NGEF: variants seen among roughly 807,000 people sequenced by gnomAD.
NGEF encodes the protein neuronal guanine nucleotide exchange factor.
In NGEF, 31 loss-of-function variants were observed where a neutral mutation model predicts 80.9. That is an observed-to-expected ratio of 0.38 (90% CI 0.29 to 0.52). The LOEUF (loss-of-function observed/expected upper bound fraction) is 0.52, where lower values mean the gene tolerates loss of function less well. NGEF is among the 20% of genes least tolerant of loss of function. NGEF has a pLI of 0.84. For synonymous variants in NGEF, 371 were observed against 370.2 expected, an observed-to-expected ratio of 1.00 and a Z score of -0.03; for missense variants, 709 against 926.2, an observed-to-expected ratio of 0.77 and a Z score of 3.04.
At chr2:232,910,716 A>G (rs751582038) in intron 5 of NGEF, among the ~76,000 whole-genome samples, 10 of 152,228 alleles carry the variant, frequency 6.6e-5, no homozygotes, top group Non-Finnish European at 1.0e-4. Context: ...CTGTGTGTGC[A>G]CACCAGCACT....
intron 5 of NGEF, among the ~76,000 whole-genome samples, chr2:232,905,489 A>G (rs951384611): frequency 6.6e-6 from 1 of 152,122 alleles, no homozygotes; most frequent in African/African-American, 2.4e-5. Context: ...TGGCCCCCCA[A>G]AGTGCGGAGA....
chr2:232,989,605 G>A (rs1182000536), intron 1 of NGEF, among the ~76,000 whole-genome samples: 4 of 152,142 alleles, frequency 2.6e-5, no homozygotes, highest in African/African-American at 9.7e-5. Flanking sequence ...ATGGGATCTG[G>A]ACAACAAACC....
intron 8 of NGEF, among the ~76,000 whole-genome samples, chr2:232,890,041 CTG>C (rs1691825545): frequency 6.6e-6 from 1 of 151,588 alleles, no homozygotes; most frequent in Admixed American, 6.6e-5. Context: ...GAGGGGGTCT[CTG>C]TCCTGCCTCA....
intron 12 of NGEF, 126 bp downstream of exon 12, chr2:232,883,185 G>A: frequency 8.5e-7 from 1 of 1,179,778 alleles, no homozygotes; most frequent in Admixed American, 2.5e-5. Flanking sequence ...CGGGAAGGAT[G>A]GGCAGGTCGG....
chr2:232,929,251 T>C (rs933558224), intron 3 of NGEF, among the ~76,000 whole-genome samples: 1 of 152,070 alleles, frequency 6.6e-6, no homozygotes, highest in Non-Finnish European at 1.5e-5. Flanking sequence ...TTGGGGGGGA[T>C]GCAAACATTC....
intron 3 of NGEF, among the ~76,000 whole-genome samples, chr2:232,949,477 T>G (rs1387353774): frequency 2.2e-5 from 3 of 134,700 alleles, no homozygotes; most frequent in Non-Finnish European, 5.2e-5. Context: ...TTCTCTGCAC[T>G]CTTTCTTTTT....
At chr2:232,955,513 T>C (rs764124683) in intron 3 of NGEF, among the ~76,000 whole-genome samples, 3 of 152,176 alleles carry the variant, frequency 2.0e-5, no homozygotes, top group African/African-American at 2.4e-5. Flanking sequence ...TTTGCTTGTT[T>C]TTGTTTGTTG....
chr2:232,993,154 A>AAT (rs199973619), intron 1 of NGEF, among the ~76,000 whole-genome samples: 18,439 of 56,552 alleles, frequency 0.33, 4,303 homozygotes, highest in East Asian at 0.76. Flanking sequence ...TATATGGGCA[A>AAT]ATATATATAT....
At chr2:232,890,024 T>A (rs1476679305) in intron 8 of NGEF, among the ~76,000 whole-genome samples, 2 of 152,208 alleles carry the variant, frequency 1.3e-5, no homozygotes, top group African/African-American at 2.4e-5. Flanking sequence ...CCAGCATCTG[T>A]CAGGCAGAGG....
At chr2:232,968,527 T>C (rs1317834630) in intron 3 of NGEF, among the ~76,000 whole-genome samples, 1 of 152,034 alleles carries the variant, frequency 6.6e-6, no homozygotes, top group African/African-American at 2.4e-5. Flanking sequence ...TGCCTCAGCC[T>C]CCCAAGTCAC....
At chr2:232,884,249 C>A in intron 10 of NGEF, 105 bp from the exon 11 acceptor site, 1 of 1,295,820 alleles carries the variant, frequency 7.7e-7, no homozygotes, top group East Asian at 2.6e-5. Context: ...TGCCCAGGGC[C>A]CCGACACATG....
Position 232,911,446 on chromosome 2 carries a change from T to C in NGEF, c.828+8838A>G, listed in dbSNP as rs139288485. On this transcript the variant is annotated intron_variant, in intron 5 of 14. Coordinates refer to ENST00000264051, the MANE Select transcript of NGEF (RefSeq NM_019850.3). ...TTGTCTTAAAATCAGATAGTATGAC[T>C]CCTCCAGCTTTATTATTTTTGAAAA... 3.7e-3 allele frequency among the ~76,000 whole-genome samples: 557 copies of C among 152,300 alleles called. 3 individuals are homozygous for C. Among genetic ancestry groups the C allele is most frequent in the African/African-American group, 0.013 (538 of 41,560 alleles).
At chr2:232,883,487 C>T (rs1389942380) in intron 11 of NGEF, 21 bp from the exon 12 acceptor site, 6 of 1,560,120 alleles carry the variant, frequency 3.8e-6, no homozygotes, top group Non-Finnish European at 5.2e-6. Context: ...GGGAGAAGGG[C>T]AGGCGTGTCA....
intron 3 of NGEF, among the ~76,000 whole-genome samples, chr2:232,953,117 G>C (rs544558024): frequency 5.3e-5 from 8 of 150,866 alleles, no homozygotes; most frequent in Admixed American, 1.3e-4. Context: ...GCCTGACCAA[G>C]ATGGTGAAAC....
At position 233,013,089 on chromosome 2, in the gene NGEF, G is replaced by T; in HGVS notation, c.-96C>A. ...TCACCTGCCAGAGAGGAGCTCATAGGAGTTGGGCTTCCTCAGAGAGTGTTC... is the reference window on the plus strand; with the variant it reads ...TCACCTGCCAGAGAGGAGCTCATAGTAGTTGGGCTTCCTCAGAGAGTGTTC... On this transcript the variant is annotated 5_prime_UTR_variant, in exon 1 of 15. Coordinates refer to ENST00000264051, the MANE Select transcript of NGEF (RefSeq NM_019850.3). 4.2e-6 allele frequency: 2 copies of T among 471,098 alleles called. No homozygotes were observed. The highest frequency in any genetic ancestry group is 3.1e-5 in the South Asian group (2 of 64,564). The allele number at this position is 471,098 out of a possible 1,614,324, so 29.2% of individuals were successfully genotyped here.
chr2:232,962,867 T>A (rs945634792), intron 3 of NGEF, among the ~76,000 whole-genome samples: 9 of 152,060 alleles, frequency 5.9e-5, no homozygotes, highest in South Asian at 4.1e-4. Context: ...TTAATTTTTT[T>A]AAAAAATTGA....
chr2:232,929,270 AGCGGT>A (rs1344053296), intron 3 of NGEF, among the ~76,000 whole-genome samples: 2 of 152,256 alleles, frequency 1.3e-5, no homozygotes, highest in Non-Finnish European at 2.9e-5. Context: ...TCCTGGTGGC[AGCGGT>A]GCAGTTACTC....
At position 232,916,574 on chromosome 2, in the gene NGEF, T is replaced by G. The variant is rs1476431460; in HGVS notation, c.828+3710A>C. On this transcript the variant is annotated intron_variant, in intron 5 of 14. Transcript: ENST00000264051. ...AAAGATAAGAACAGGCATTGATAGATAAAGCAATGGAAACAGGCAATAAAC... is the reference window on the plus strand; with the variant it reads ...AAAGATAAGAACAGGCATTGATAGAGAAAGCAATGGAAACAGGCAATAAAC... 5.3e-5 allele frequency among the ~76,000 whole-genome samples: 8 copies of G among 152,246 alleles called. No individual in the cohort carries two copies. The Middle Eastern group carries it at 0.01, about 194-fold the overall frequency.
intron 1 of NGEF, among the ~76,000 whole-genome samples, chr2:232,988,962 T>C (rs1265126919): frequency 6.6e-6 from 1 of 152,176 alleles, no homozygotes; most frequent in African/African-American, 2.4e-5. Flanking sequence ...TTCAAATTTA[T>C]TCAAATCTGC....
Sources: allele counts gnomAD v4.1 joint callset (sites outside exome capture counted in the v4.1 genomes callset), GRCh38; gene constraint gnomAD v4.1.1; transcripts MANE v1.5; gene names NCBI Gene and HGNC (gene_info 2026-07-23, HGNC 2026-07-21).